The following SLC9C1 variants were observed in gnomAD, a reference collection of about 807,000 sequenced individuals.
The protein encoded by SLC9C1 is sodium/hydrogen exchanger 10.
In SLC9C1, 97 loss-of-function variants were observed where a neutral mutation model predicts 140.9. That is an observed-to-expected ratio of 0.69 (90% confidence interval 0.58 to 0.82). The LOEUF is 0.82. Among genes scored for constraint, SLC9C1 ranks in the 40% least tolerant of loss-of-function variants. The pLI is 0.00. For synonymous variants in SLC9C1, 440 were observed against 442.6 expected (o/e 0.99, Z 0.07); for missense variants, 1,340 against 1,389.3 (o/e 0.96, Z 0.56).
intron 26 of SLC9C1, among the ~76,000 whole-genome samples, chr3:112,156,221 T>C (rs1367931669): frequency 6.6e-6 from 1 of 152,136 alleles, no homozygotes; most frequent in East Asian, 1.9e-4. Flanking sequence ...TCCACTTTTT[T>C]AGTGCCCACA....
chr3:112,217,990 T>C (rs1265507935), intron 14 of SLC9C1, among the ~76,000 whole-genome samples: 1 of 152,166 alleles, frequency 6.6e-6, no homozygotes, highest in Admixed American at 6.5e-5. Flanking sequence ...TGGGAAAGCA[T>C]GTATAAAGCA....
chr3:112,141,383 TC>T, intron 28 of SLC9C1, 102 bp from the exon 29 acceptor site: 1 of 1,210,640 alleles, frequency 8.3e-7, no homozygotes, highest in South Asian at 1.8e-5. Flanking sequence ...TCAATTTGAC[TC>T]CCATAAGACA....
At chr3:112,228,752 A>T in intron 13 of SLC9C1, among the ~76,000 whole-genome samples, 1 of 152,188 alleles carries the variant, frequency 6.6e-6, no homozygotes, top group East Asian at 1.9e-4. Context: ...CATTTCTCAA[A>T]GACACAAACG....
intron 20 of SLC9C1, among the ~76,000 whole-genome samples, chr3:112,191,038 T>G (rs757532798): frequency 1.3e-5 from 2 of 152,064 alleles, no homozygotes; most frequent in Non-Finnish European, 2.9e-5. Flanking sequence ...ATTCTGTATT[T>G]CATTATAACA....
intron 26 of SLC9C1, among the ~76,000 whole-genome samples, chr3:112,156,226 C>T (rs979644864): frequency 2.6e-5 from 4 of 152,066 alleles, no homozygotes; most frequent in African/African-American, 9.7e-5. Flanking sequence ...TTTTTTAGTG[C>T]CCACATATGA....
At chr3:112,245,493 C>T (rs1051922956) in intron 10 of SLC9C1, among the ~76,000 whole-genome samples, 4 of 150,836 alleles carry the variant, frequency 2.7e-5, no homozygotes, top group Non-Finnish European at 5.9e-5. Context: ...TATTTTTTCT[C>T]TCATTGAACT....
chr3:112,233,963 C>A (rs1443513926), intron 12 of SLC9C1, among the ~76,000 whole-genome samples: 1 of 152,120 alleles, frequency 6.6e-6, no homozygotes, highest in African/African-American at 2.4e-5. Flanking sequence ...GTCTTTATAG[C>A]AGCATGTTTT....
intron 11 of SLC9C1, 114 bp downstream of exon 11, chr3:112,243,881 G>T: frequency 1.5e-6 from 1 of 646,798 alleles, no homozygotes; most frequent in Non-Finnish European, 2.5e-6. Context: ...TGTAGAGACG[G>T]GGGTCTCACT....
chr3:112,172,055 AT>A (rs2077257002), intron 23 of SLC9C1, among the ~76,000 whole-genome samples: 1 of 152,036 alleles, frequency 6.6e-6, no homozygotes, highest in Non-Finnish European at 1.5e-5. Context: ...TAACTTTTTT[AT>A]ATTTGTTTTG....
At position 112,155,053 on chromosome 3, in the gene SLC9C1, A is replaced by AT. The variant is rs769473421; in HGVS notation, c.3365-5dup. 6.5e-5 allele frequency: 97 copies of AT among 1,488,570 alleles called. No individual in the cohort carries two copies. The highest frequency in any genetic ancestry group is 1.0e-4 in the African/African-American group (6 of 57,178). The allele number at this position is 1,488,570 out of a possible 1,614,324, so 92.2% of individuals were successfully genotyped here. A position where few individuals can be genotyped will look rare whatever the true frequency, so the allele number is the denominator to read the frequency against. On this transcript the variant is annotated splice_polypyrimidine_tract_variant and splice_region_variant and intron_variant, in intron 26 of 28. Transcript: ENST00000305815. ...TCTTCCAATGTTCCAACTGAACCTG[A>AT]TTAAAAAAAAAAAAAACAGTGTTAA...
At chr3:112,181,028 TTACAGGCGTGAGCCAC>T (rs2077430050) in intron 21 of SLC9C1, among the ~76,000 whole-genome samples, 1 of 152,240 alleles carries the variant, frequency 6.6e-6, no homozygotes, top group African/African-American at 2.4e-5. Flanking sequence ...AGTGCTTGGA[TTACAGGCGTGAGCCAC>T]CATACCCGGC....
intron 26 of SLC9C1, among the ~76,000 whole-genome samples, chr3:112,157,059 G>A (rs915058571): frequency 6.6e-6 from 1 of 151,948 alleles, no homozygotes; most frequent in Non-Finnish European, 1.5e-5. Flanking sequence ...GGCTTTGGTT[G>A]TCTGTTCTTT....
intron 23 of SLC9C1, among the ~76,000 whole-genome samples, chr3:112,178,129 C>A (rs2077373616): frequency 6.6e-6 from 1 of 151,124 alleles, no homozygotes; most frequent in South Asian, 2.1e-4. Context: ...TCCCCTCTAC[C>A]ACTACATATT....
chr3:112,231,148 TTCTTTCTTTCTTTC>T (rs1304982272), intron 13 of SLC9C1, among the ~76,000 whole-genome samples, 199 bp downstream of exon 13: 1 of 18,906 alleles, frequency 5.3e-5, no homozygotes, highest in Non-Finnish European at 1.6e-4. Flanking sequence ...TTTTCTCCCT[TTCTTTCTTTCTTTC>T]TCTTTCTTTC....
At position 112,210,958 on chromosome 3, in the gene SLC9C1, T is replaced by C. The variant is rs575842622; in HGVS notation, c.1791-2585A>G. Among the ~76,000 whole-genome samples, 4 of 152,338 alleles carry C rather than the reference T, an allele frequency of 2.6e-5. No individual in the cohort carries two copies. In the East Asian group the frequency reaches 7.7e-4, roughly 29 times the overall value. On this transcript the variant is annotated intron_variant, in intron 15 of 28. Coordinates refer to ENST00000305815, the MANE Select transcript of SLC9C1 (RefSeq NM_183061.3). ...ATCATTTTTCTTTTATATTATGCCA[T>C]AATCTCCTTTGATTTTTATAAAAAC...
At position 112,292,372 on chromosome 3, in the gene SLC9C1, T is replaced by A. The variant is rs184552581; in HGVS notation, c.-88+1721A>T. ...TCAACACAATTTATCTCTCTGGCTA[T>A]GCATATGTGATAAATACCATTTGGC... On this transcript the variant is annotated intron_variant, in intron 1 of 28. Transcript: ENST00000305815. Among the ~76,000 whole-genome samples, 119 of 152,310 alleles carry A rather than the reference T, an allele frequency of 7.8e-4. 4 individuals carry two copies. The South Asian group carries it at 0.016, about 20-fold the overall frequency.
At chr3:112,248,112 G>T (rs2079343813) in intron 10 of SLC9C1, among the ~76,000 whole-genome samples, 1 of 152,124 alleles carries the variant, frequency 6.6e-6, no homozygotes, top group Non-Finnish European at 1.5e-5. Context: ...CTACCATATT[G>T]CAAGCTGACC....
intron 12 of SLC9C1, among the ~76,000 whole-genome samples, chr3:112,238,400 G>A (rs181574357): frequency 1.4e-4 from 21 of 152,260 alleles, no homozygotes; most frequent in African/African-American, 4.1e-4. Context: ...CGATGGGTTC[G>A]AACTTCCTCC....
At chr3:112,185,464 A>G in intron 20 of SLC9C1, 1 of 1,600,936 alleles carries the variant, frequency 6.2e-7, no homozygotes, top group Non-Finnish European at 8.5e-7. Context: ...AGTTTTTTCC[A>G]GCGTGGGGCG....
Sources: allele counts gnomAD v4.1 joint callset (sites outside exome capture counted in the v4.1 genomes callset), GRCh38; gene constraint gnomAD v4.1.1; transcripts MANE v1.5; gene names NCBI Gene and HGNC (gene_info 2026-07-23, HGNC 2026-07-21).